The following LAMC1 variants were observed in gnomAD, a reference collection of about 807,000 sequenced individuals.
LAMC1 encodes laminin subunit gamma 1, also known as laminin subunit gamma-1.
Under a neutral mutation model 173.6 loss-of-function variants are expected in LAMC1, and 38 were observed. That is an observed-to-expected ratio of 0.22 (90% CI 0.17 to 0.29). The LOEUF (loss-of-function observed/expected upper bound fraction) is 0.29, where lower values mean the gene tolerates loss of function less well. Ranked by LOEUF, LAMC1 falls within the 10% of genes least tolerant of loss-of-function variation. The probability of loss-of-function intolerance (pLI) is 1.00; values close to 1 mark genes in which losing one functional copy is unlikely to be tolerated. For missense variants in LAMC1, 1,824 were observed against 2,051.8 expected (o/e 0.89, Z 2.14); for synonymous variants, 746 against 749.1 (o/e 1.00, Z 0.07).
intron 26 of LAMC1, among the ~76,000 whole-genome samples, 159 bp from the exon 27 acceptor site, chr1:183,140,245 C>CAAGAAAAAAA (rs1657070231): frequency 1.9e-5 from 1 of 52,936 alleles, no homozygotes; most frequent in East Asian, 6.9e-4. Flanking sequence ...GCAGCCCCAC[C>CAAGAAAAAAA]AAAAAAAAAA....
At chr1:183,131,194 A>C in intron 19 of LAMC1, 105 bp from the exon 20 acceptor site, 1 of 663,868 alleles carries the variant, frequency 1.5e-6, no homozygotes, top group Non-Finnish European at 2.7e-6. Context: ...AAAAAAAGGT[A>C]GAGGCATTCT....
intron 19 of LAMC1, among the ~76,000 whole-genome samples, chr1:183,130,973 G>A (rs1000474461): frequency 5.3e-5 from 8 of 152,068 alleles, no homozygotes; most frequent in South Asian, 2.1e-4. Flanking sequence ...TCGAGAGTTC[G>A]AGACCAGCTT....
intron 1 of LAMC1, among the ~76,000 whole-genome samples, chr1:183,072,138 A>G (rs1369159173): frequency 6.6e-6 from 1 of 152,216 alleles, no homozygotes; most frequent in African/African-American, 2.4e-5. Flanking sequence ...TGGAGCTAAG[A>G]ACAAATAATA....
chr1:183,091,634 G>A (rs1027290095), intron 1 of LAMC1, among the ~76,000 whole-genome samples: 2 of 152,062 alleles, frequency 1.3e-5, no homozygotes, highest in Admixed American at 1.3e-4. Context: ...CTAGTCTGTA[G>A]CCAACAGAAT....
chr1:183,050,528 C>T (rs1200964773), intron 1 of LAMC1, among the ~76,000 whole-genome samples: 7 of 146,726 alleles, frequency 4.8e-5, no homozygotes, highest in East Asian at 2.1e-4. Context: ...GTGATCTGCC[C>T]GCCTCGGCCT....
chr1:183,119,596 A>G (rs1247205404), intron 11 of LAMC1, among the ~76,000 whole-genome samples: 1 of 152,112 alleles, frequency 6.6e-6, no homozygotes. Context: ...TTAGCACAGT[A>G]TGGTGGTGCA....
At chr1:183,103,678 G>A (rs1388043878) in intron 2 of LAMC1, 46 bp downstream of exon 2, 1 of 1,489,154 alleles carries the variant, frequency 6.7e-7, no homozygotes, top group East Asian at 2.3e-5. Context: ...TCTACAACAT[G>A]CGAGGTGTGG....
intron 1 of LAMC1, among the ~76,000 whole-genome samples, chr1:183,093,315 T>C (rs10911239): frequency 0.52 from 78,565 of 152,012 alleles, 20,988 homozygotes; most frequent in South Asian, 0.65. Flanking sequence ...GCTCAGTCTT[T>C]ATCTTTCTTA....
In LAMC1 at chr1:183,114,511, T is replaced by C. The variant is rs750756738; in HGVS notation, c.1022-20T>C. ...TAAAGGTACCCAGATCTGATGTAAC[T>C]CGTGTGTTTTGACTGACAGCCTGTG... is the stretch of plus-strand genomic sequence containing the variant. On this transcript the variant is annotated intron_variant, in intron 4 of 27. Coordinates refer to ENST00000258341, the MANE Select transcript of LAMC1 (RefSeq NM_002293.4). 8 of 1,613,468 alleles carry C rather than the reference T, an allele frequency of 5.0e-6. No homozygotes were observed. Among genetic ancestry groups the C allele is most frequent in the Middle Eastern group, 3.3e-4 (2 of 6,082 alleles).
At chr1:183,059,841 A>G (rs1654696064) in intron 1 of LAMC1, among the ~76,000 whole-genome samples, 1 of 152,198 alleles carries the variant, frequency 6.6e-6, no homozygotes, top group African/African-American at 2.4e-5. Context: ...CTTACAAACT[A>G]CGTGCATCAG....
Position 183,077,776 on chromosome 1 carries a change from G to GTGTGTGTGTGTATATATATATA in LAMC1, c.419-25551_419-25550insGTGTGTGTGTATATATATATAT. 4.3e-4 allele frequency among the ~76,000 whole-genome samples: 50 copies of GTGTGTGTGTGTATATATATATA among 116,554 alleles called. 1 individual carries two copies. Among genetic ancestry groups the GTGTGTGTGTGTATATATATATA allele is most frequent in the Non-Finnish European group, 7.1e-4 (38 of 53,164 alleles). The allele number at this position is 116,554 out of a possible 152,430, so 76.5% of individuals were successfully genotyped here. A position where few individuals can be genotyped will look rare whatever the true frequency, so the allele number is the denominator to read the frequency against. On this transcript the variant is annotated intron_variant, in intron 1 of 27. Transcript: ENST00000258341. The stretch of plus-strand genomic sequence containing the variant: ...TGAATAGTATTTTTATGGCCATTGT[G>GTGTGTGTGTGTATATATATATA]TATATATATATATATATATACAGTA...
At chr1:183,066,221 G>A (rs1279727144) in intron 1 of LAMC1, among the ~76,000 whole-genome samples, 1 of 152,096 alleles carries the variant, frequency 6.6e-6, no homozygotes, top group Non-Finnish European at 1.5e-5. Context: ...TAAGAATGTT[G>A]TAATTGAACA....
At chr1:183,084,519 T>C (rs1294392287) in intron 1 of LAMC1, among the ~76,000 whole-genome samples, 17 of 152,218 alleles carry the variant, frequency 1.1e-4, no homozygotes, top group Admixed American at 9.8e-4. Context: ...CTGAAACTTG[T>C]ATTATCTGAA....
intron 1 of LAMC1, among the ~76,000 whole-genome samples, chr1:183,074,996 G>T (rs1004833913): frequency 6.6e-5 from 10 of 152,086 alleles, no homozygotes; most frequent in African/African-American, 2.4e-4. Context: ...ACTGAAACAA[G>T]ATTTGCCCAC....
At chr1:183,026,677 A>G (rs571487359) in intron 1 of LAMC1, among the ~76,000 whole-genome samples, 9 of 152,346 alleles carry the variant, frequency 5.9e-5, no homozygotes, top group Admixed American at 2.6e-4. Context: ...GCTATTACAG[A>G]GCATGTGAAG....
intron 1 of LAMC1, among the ~76,000 whole-genome samples, chr1:183,083,725 A>G (rs1655349700): frequency 6.6e-6 from 1 of 152,240 alleles, no homozygotes; most frequent in African/African-American, 2.4e-5. Context: ...TAAATCACAT[A>G]TATACAGAAT....
chr1:183,093,043 C>T (rs1393062997), intron 1 of LAMC1, among the ~76,000 whole-genome samples: 1 of 152,162 alleles, frequency 6.6e-6, no homozygotes, highest in Non-Finnish European at 1.5e-5. Context: ...CCTTGGGAGG[C>T]CCAGGTGGGA....
At position 183,136,591 on chromosome 1, in the gene LAMC1, C is replaced by A; in HGVS notation, c.4314+6C>A. ...TCGCGAGCGCTGTCCAAAAGGTGTG[C>A]GTTTCCTCTTCTCCAAGAGTCCCTG... On this transcript the variant is annotated splice_donor_region_variant and intron_variant, in intron 25 of 27. Transcript: ENST00000258341. The A allele has an allele frequency of 6.3e-7, 1 of 1,585,480 alleles. No individual in the cohort carries two copies. Among genetic ancestry groups the A allele is most frequent in the Non-Finnish European group, 8.6e-7 (1 of 1,164,136 alleles).
At chr1:183,086,291 T>C (rs1571431035) in intron 1 of LAMC1, among the ~76,000 whole-genome samples, 2 of 152,240 alleles carry the variant, frequency 1.3e-5, no homozygotes, top group Admixed American at 1.3e-4. Flanking sequence ...ATGGGGTCTT[T>C]GCTCCAAACT....
Sources: allele counts gnomAD v4.1 joint callset (sites outside exome capture counted in the v4.1 genomes callset), GRCh38; gene constraint gnomAD v4.1.1; transcripts MANE v1.5; gene names NCBI Gene and HGNC (gene_info 2026-07-23, HGNC 2026-07-21).